The following SLC25A21 variants were observed in gnomAD, a reference collection of about 807,000 sequenced individuals.
SLC25A21 encodes the protein solute carrier family 25 member 21, also known as mitochondrial 2-oxodicarboxylate carrier.
In SLC25A21, 47 loss-of-function variants were observed where a neutral mutation model predicts 43.8. The observed-to-expected ratio is 1.07, with a 90% CI of 0.85 to 1.37. SLC25A21 has a LOEUF of 1.37. Ranked by LOEUF, SLC25A21 falls within the 40% of genes most tolerant of loss-of-function variation. The pLI, the probability that SLC25A21 is intolerant of heterozygous loss-of-function variation, is 0.00. For missense variants in SLC25A21, 352 were observed against 350.2 expected (o/e 1.00, Z -0.04); for synonymous variants, 131 against 121.3 (o/e 1.08, Z -0.52).
intron 1 of SLC25A21, among the ~76,000 whole-genome samples, chr14:37,102,965 A>G (rs1962844697): frequency 6.6e-6 from 1 of 151,620 alleles, no homozygotes; most frequent in South Asian, 2.1e-4. Context: ...ACTCCAGCCT[A>G]GGCAACAGAG....
intron 1 of SLC25A21, among the ~76,000 whole-genome samples, chr14:37,140,873 G>A (rs1015585718): frequency 2.6e-5 from 4 of 152,028 alleles, no homozygotes; most frequent in African/African-American, 4.8e-5. Context: ...AGCTGGGCAC[G>A]GTAAGGCTCA....
chr14:36,979,374 G>T (rs1260508055), intron 1 of SLC25A21, among the ~76,000 whole-genome samples: 3 of 137,388 alleles, frequency 2.2e-5, no homozygotes, highest in African/African-American at 1.0e-4. Context: ...TGTTTGTTTT[G>T]AGATGAAGTC....
In SLC25A21 at chr14:36,927,037, G is replaced by GTT. The variant is rs1387455932; in HGVS notation, c.71-52034_71-52033insAA. ...ATGCAAAAATCAGCCAGGCGTGGTC[G>GTT]TGTGTGCCTGTTGTCCCAGCTACTC... On this transcript the variant is annotated intron_variant, in intron 1 of 9. Coordinates refer to ENST00000331299, the MANE Select transcript of SLC25A21 (RefSeq NM_030631.4). Among the ~76,000 whole-genome samples the GTT allele has an allele frequency of 3.9e-5, 6 of 152,208 alleles. No individual in the cohort carries two copies. The East Asian group carries it at 1.2e-3, about 29-fold the overall frequency.
intron 2 of SLC25A21, among the ~76,000 whole-genome samples, chr14:36,853,945 T>C (rs937583320): frequency 6.6e-6 from 1 of 152,192 alleles, no homozygotes; most frequent in Non-Finnish European, 1.5e-5. Flanking sequence ...TCTTTTAAAC[T>C]ATAGAAACCA....
intron 1 of SLC25A21, among the ~76,000 whole-genome samples, chr14:36,884,863 G>C (rs565930171): frequency 6.6e-6 from 1 of 152,052 alleles, no homozygotes; most frequent in East Asian, 1.9e-4. Flanking sequence ...TATATATTTT[G>C]AATATTAGTC....
At chr14:37,154,834 G>C (rs972137530) in intron 1 of SLC25A21, among the ~76,000 whole-genome samples, 2 of 151,686 alleles carry the variant, frequency 1.3e-5, no homozygotes, top group Non-Finnish European at 2.9e-5. Context: ...TAGAGACAGG[G>C]TTTCTCCATG....
At chr14:36,863,120 T>C (rs550420500) in intron 2 of SLC25A21, among the ~76,000 whole-genome samples, 1 of 152,244 alleles carries the variant, frequency 6.6e-6, no homozygotes, top group Non-Finnish European at 1.5e-5. Flanking sequence ...GAAGGCCATT[T>C]AAGAATTATT....
chr14:37,015,590 A>G (rs1280223316), intron 1 of SLC25A21, among the ~76,000 whole-genome samples: 1 of 151,298 alleles, frequency 6.6e-6, no homozygotes, highest in Non-Finnish European at 1.5e-5. Context: ...TGGTATTTCT[A>G]GTTCTGGATC....
Position 37,166,003 on chromosome 14 carries a change from T to A in SLC25A21, c.70+6278A>T, listed in dbSNP as rs182433180. 1.4e-3 allele frequency among the ~76,000 whole-genome samples: 220 copies of A among 152,176 alleles called. 1 individual carries two copies. Among genetic ancestry groups the A allele is most frequent in the African/African-American group, 5.3e-3 (219 of 41,528 alleles). ...ATGCAGGGGCTGCTGAGACCAGAGATCTTGGGATCCCTAACATGTTTAGGG... is the reference window on the plus strand; with the variant it reads ...ATGCAGGGGCTGCTGAGACCAGAGAACTTGGGATCCCTAACATGTTTAGGG... On this transcript the variant is annotated intron_variant, in intron 1 of 9. Coordinates refer to ENST00000331299, the MANE Select transcript of SLC25A21 (RefSeq NM_030631.4).
chr14:36,911,310 A>G (rs1228797607), intron 1 of SLC25A21, among the ~76,000 whole-genome samples: 1 of 152,176 alleles, frequency 6.6e-6, no homozygotes, highest in Non-Finnish European at 1.5e-5. Flanking sequence ...GAGAGTACCA[A>G]TGAGTATCAT....
chr14:37,137,943 T>A (rs1963510744), intron 1 of SLC25A21, among the ~76,000 whole-genome samples: 1 of 152,216 alleles, frequency 6.6e-6, no homozygotes, highest in Non-Finnish European at 1.5e-5. Flanking sequence ...GACACATTCA[T>A]CAATGTGAAT....
At chr14:36,752,776 T>C (rs1025162113) in intron 3 of SLC25A21, among the ~76,000 whole-genome samples, 4 of 152,274 alleles carry the variant, frequency 2.6e-5, no homozygotes, top group African/African-American at 9.6e-5. Flanking sequence ...ATGCTGTTCT[T>C]GTGATAGTGA....
intron 1 of SLC25A21, among the ~76,000 whole-genome samples, chr14:37,003,467 G>T (rs908008412): frequency 6.6e-5 from 10 of 152,188 alleles, no homozygotes; most frequent in Non-Finnish European, 1.3e-4. Flanking sequence ...CGGATAAGAG[G>T]GGGGGACTAT....
intron 1 of SLC25A21, among the ~76,000 whole-genome samples, chr14:37,148,042 T>C (rs1275442066): frequency 2.0e-5 from 3 of 151,994 alleles, no homozygotes; most frequent in Non-Finnish European, 4.4e-5. Flanking sequence ...TTCTCCATGT[T>C]GGTCAGGCTG....
chr14:36,789,356 G>GA (rs1028188170), intron 3 of SLC25A21, among the ~76,000 whole-genome samples: 6 of 149,432 alleles, frequency 4.0e-5, no homozygotes, highest in South Asian at 2.1e-4. Flanking sequence ...TATCTTCAGG[G>GA]AAAAAAAAAG....
intron 2 of SLC25A21, among the ~76,000 whole-genome samples, chr14:36,841,460 C>T (rs910461294): frequency 1.3e-5 from 2 of 152,136 alleles, no homozygotes; most frequent in Non-Finnish European, 2.9e-5. Flanking sequence ...GGCTAGAAAC[C>T]TCCGAATCCT....
Position 36,995,429 on chromosome 14 carries a change from T to G in SLC25A21, c.71-120425A>C, listed in dbSNP as rs1409360141. Among the ~76,000 whole-genome samples the G allele has an allele frequency of 2.0e-5, 3 of 152,172 alleles. No homozygotes were observed. In the East Asian group the frequency reaches 5.8e-4, roughly 29 times the overall value. On this transcript the variant is annotated intron_variant, in intron 1 of 9. Coordinates refer to ENST00000331299, the MANE Select transcript of SLC25A21 (RefSeq NM_030631.4). ...GGCAGAGAGAACATGACAAAAAAAG[T>G]AACTTCTTTTATTCTAAAAATGCAA...
At chr14:36,770,158 G>T (rs145010557) in intron 3 of SLC25A21, among the ~76,000 whole-genome samples, 193 of 152,262 alleles carry the variant, frequency 1.3e-3, no homozygotes, top group African/African-American at 4.5e-3. Context: ...AGAAAATGTG[G>T]TACATATACA....
intron 1 of SLC25A21, among the ~76,000 whole-genome samples, chr14:36,923,173 C>A (rs931931792): frequency 1.3e-5 from 2 of 152,086 alleles, no homozygotes; most frequent in African/African-American, 4.8e-5. Context: ...AAATTATACT[C>A]AAATTGCTGT....
Sources: gnomAD v4.1 joint callset for allele counts (sites outside exome capture counted in the v4.1 genomes callset) on GRCh38, gnomAD v4.1.1 for gene constraint, MANE v1.5 for transcripts, NCBI Gene and HGNC (gene_info 2026-07-23, HGNC 2026-07-21) for gene names.